The following PRKCB variants were observed in gnomAD, a reference collection of about 807,000 sequenced individuals.
The protein encoded by PRKCB is protein kinase C beta type.
In PRKCB, 13 loss-of-function variants were observed where a neutral mutation model predicts 81.5. That is an observed-to-expected ratio of 0.16 (90% CI 0.10 to 0.25). The LOEUF is 0.25. PRKCB is among the 10% of genes least tolerant of loss of function. The pLI is 1.00. For synonymous variants in PRKCB, 335 were observed against 321.4 expected (o/e 1.04, Z -0.45); for missense variants, 509 against 875.7 (o/e 0.58, Z 5.29).
At chr16:23,841,236 C>A (rs183543943) in intron 2 of PRKCB, among the ~76,000 whole-genome samples, 1 of 151,970 alleles carries the variant, frequency 6.6e-6, no homozygotes, top group South Asian at 2.1e-4. Context: ...CCTGCCACCA[C>A]GCCTGGCTAA....
At chr16:23,906,211 A>G (rs1265086056) in intron 2 of PRKCB, among the ~76,000 whole-genome samples, 2 of 152,174 alleles carry the variant, frequency 1.3e-5, no homozygotes, top group African/African-American at 4.8e-5. Context: ...AATATTATCA[A>G]ACTTTTTCAT....
At chr16:24,130,685 G>A (rs910535738) in intron 9 of PRKCB, among the ~76,000 whole-genome samples, 1 of 152,230 alleles carries the variant, frequency 6.6e-6, no homozygotes, top group Admixed American at 6.5e-5. Context: ...GGGACAAGGT[G>A]TCTTTCGTCC....
chr16:24,047,212 C>T (rs759131592), intron 5 of PRKCB, among the ~76,000 whole-genome samples: 10 of 151,508 alleles, frequency 6.6e-5, no homozygotes, highest in Non-Finnish European at 1.0e-4. Flanking sequence ...CGTGGTGGTG[C>T]GTGTCTGCAG....
intron 9 of PRKCB, among the ~76,000 whole-genome samples, chr16:24,138,845 C>CTTTTTTTTTTTTT (rs991952336): frequency 1.3e-5 from 1 of 78,846 alleles, no homozygotes; most frequent in East Asian, 4.2e-4. Flanking sequence ...CAGTATTTGT[C>CTTTTTTTTTTTTT]TTTTTTTTTT....
Position 24,021,219 on chromosome 16 carries a change from TTTCTTTCTTTCTTTCC to T in PRKCB, c.289-10913_289-10898del, listed in dbSNP as rs1214662320. ...CTTTCTTTCTTTCTTTCTTTCTTTC[TTTCTTTCTTTCTTTCC>T]TTCCTTCCTTCCTTCTTCCTTTCTT... On this transcript the variant is annotated intron_variant, in intron 3 of 16. Transcript: ENST00000643927. 4.9e-3 allele frequency among the ~76,000 whole-genome samples: 117 copies of T among 23,980 alleles called. 6 individuals carry two copies. The highest frequency in any genetic ancestry group is 0.015 in the African/African-American group (76 of 5,238). 15.7% of individuals were successfully genotyped at this position (23,980 alleles called of 152,430 possible). A position where few individuals can be genotyped will look rare whatever the true frequency, so the allele number is the denominator to read the frequency against.
chr16:24,157,149 G>A (rs1413573661), intron 10 of PRKCB, among the ~76,000 whole-genome samples: 2 of 152,160 alleles, frequency 1.3e-5, no homozygotes, highest in African/African-American at 4.8e-5. Context: ...GGTGTACATG[G>A]AAATTTTGCA....
At chr16:24,168,541 CT>C (rs56671761) in intron 10 of PRKCB, among the ~76,000 whole-genome samples, 371 of 76,198 alleles carry the variant, frequency 4.9e-3, no homozygotes, top group Non-Finnish European at 6.2e-3. Flanking sequence ...TCTTCTTCTA[CT>C]TTTTTTTTTT....
At chr16:24,069,427 G>A (rs1452830051) in intron 5 of PRKCB, among the ~76,000 whole-genome samples, 1 of 152,194 alleles carries the variant, frequency 6.6e-6, no homozygotes, top group African/African-American at 2.4e-5. Flanking sequence ...GAGCAGTGCT[G>A]TGCTGTGTAT....
intron 2 of PRKCB, among the ~76,000 whole-genome samples, chr16:23,912,647 G>A (rs1272076508): frequency 6.7e-6 from 1 of 148,844 alleles, no homozygotes; most frequent in African/African-American, 2.5e-5. Flanking sequence ...AGAGTAGCTG[G>A]GATTGCAGAC....
At chr16:24,185,617 T>C in intron 15 of PRKCB, 50 bp downstream of exon 15, 1 of 1,499,986 alleles carries the variant, frequency 6.7e-7, no homozygotes, top group Non-Finnish European at 9.3e-7. Context: ...TAAAGGCATG[T>C]GGGCTGTACC....
At chr16:24,213,580 G>A (rs1244930828) in intron 16 of PRKCB, among the ~76,000 whole-genome samples, 1 of 152,202 alleles carries the variant, frequency 6.6e-6, no homozygotes, top group Non-Finnish European at 1.5e-5. Context: ...TATAGCAAAT[G>A]CATAATAAAT....
intron 3 of PRKCB, among the ~76,000 whole-genome samples, chr16:24,008,722 A>G (rs1016033642): frequency 2.6e-5 from 4 of 152,138 alleles, no homozygotes; most frequent in Non-Finnish European, 5.9e-5. Context: ...CATGAAATCT[A>G]TCCTCTTAAC....
chr16:23,971,265 G>C (rs1383264252), intron 2 of PRKCB, among the ~76,000 whole-genome samples: 1 of 152,230 alleles, frequency 6.6e-6, no homozygotes, highest in Non-Finnish European at 1.5e-5. Flanking sequence ...TGAAGTACAT[G>C]TTGTAGGTGT....
At chr16:24,111,186 GA>G (rs1966671620) in intron 7 of PRKCB, 1 of 152,146 alleles carries the variant, frequency 6.6e-6, no homozygotes, top group Non-Finnish European at 1.5e-5. Context: ...AATTTTGGAA[GA>G]AAATTTGGAA....
At position 24,001,672 on chromosome 16, in the gene PRKCB, C is replaced by T. The variant is rs13338799; in HGVS notation, c.288+13082C>T. On this transcript the variant is annotated intron_variant, in intron 3 of 16. Transcript: ENST00000643927. ...ACATTATTCAAGGATCTTTTCTTCTCGTAAAACCCCAGACAAATATGTTTC... is the reference window on the plus strand; with the variant it reads ...ACATTATTCAAGGATCTTTTCTTCTTGTAAAACCCCAGACAAATATGTTTC... Among the ~76,000 whole-genome samples, 966 of 152,160 alleles carry T rather than the reference C, an allele frequency of 6.3e-3. 5 individuals are homozygous for T. Among genetic ancestry groups the T allele is most frequent in the Middle Eastern group, 0.051 (15 of 294 alleles).
intron 9 of PRKCB, among the ~76,000 whole-genome samples, chr16:24,126,189 A>AGGGTCATCAC (rs1966843963): frequency 1.3e-5 from 2 of 152,218 alleles, no homozygotes; most frequent in South Asian, 4.2e-4. Context: ...TAGCATAAAG[A>AGGGTCATCAC]GGGTCATCAC....
chr16:23,980,745 C>T (rs1427173022), intron 2 of PRKCB, among the ~76,000 whole-genome samples: 1 of 151,750 alleles, frequency 6.6e-6, no homozygotes, highest in Admixed American at 6.6e-5. Context: ...GTCAGTTTTC[C>T]ACTATAGACC....
intron 8 of PRKCB, among the ~76,000 whole-genome samples, chr16:24,116,112 T>C (rs1333220528): frequency 6.6e-6 from 1 of 152,180 alleles, no homozygotes; most frequent in Non-Finnish European, 1.5e-5. Context: ...GGCTTTGAGT[T>C]CTAGGGCTCT....
chr16:24,126,110 A>G (rs1204933019), intron 9 of PRKCB, among the ~76,000 whole-genome samples: 1 of 152,256 alleles, frequency 6.6e-6, no homozygotes, highest in Non-Finnish European at 1.5e-5. Flanking sequence ...AGCCTGTACC[A>G]AGTGCTCAAG....
Sources: allele counts gnomAD v4.1 joint callset (sites outside exome capture counted in the v4.1 genomes callset), GRCh38; gene constraint gnomAD v4.1.1; transcripts MANE v1.5; gene names NCBI Gene and HGNC (gene_info 2026-07-23, HGNC 2026-07-21).